NADK2: variants seen among roughly 807,000 people sequenced by gnomAD.
NADK2 encodes the protein NAD kinase domain-containing protein 1, mitochondrial.
Under a neutral mutation model 62.1 loss-of-function variants are expected in NADK2, and 35 were observed. The ratio of observed to expected loss-of-function variants is 0.56; its 90% CI spans 0.43 to 0.75. The LOEUF (loss-of-function observed/expected upper bound fraction) is 0.75, where lower values mean the gene tolerates loss of function less well. NADK2 is among the 30% of genes least tolerant of loss of function. NADK2 has a pLI of 0.00. For synonymous variants in NADK2, 205 were observed against 207.9 expected (o/e 0.99, Z 0.12); for missense variants, 439 against 561.3 (o/e 0.78, Z 2.20).
chr5:36,195,640 C>T (rs1342823872), intron 11 of NADK2, among the ~76,000 whole-genome samples: 3 of 152,088 alleles, frequency 2.0e-5, no homozygotes, highest in Non-Finnish European at 2.9e-5. Context: ...TTAAGTATAA[C>T]ACATATACAG....
At chr5:36,215,960 T>C (rs1427601736) in intron 6 of NADK2, among the ~76,000 whole-genome samples, 1 of 152,214 alleles carries the variant, frequency 6.6e-6, no homozygotes, top group Non-Finnish European at 1.5e-5. Flanking sequence ...TAGCCAGTAG[T>C]GGGATTGCTA....
At chr5:36,235,504 C>T (rs1211371113) in intron 1 of NADK2, among the ~76,000 whole-genome samples, 1 of 152,076 alleles carries the variant, frequency 6.6e-6, no homozygotes, top group Non-Finnish European at 1.5e-5. Context: ...GAGACTGATT[C>T]AGAGAGGTTA....
intron 1 of NADK2, among the ~76,000 whole-genome samples, chr5:36,233,856 A>G (rs1747799244): frequency 6.6e-6 from 1 of 152,174 alleles, no homozygotes; most frequent in South Asian, 2.1e-4. Context: ...ACACATAAAA[A>G]TTCTTCTGTA....
intron 7 of NADK2, among the ~76,000 whole-genome samples, chr5:36,210,135 T>C (rs1332100249): frequency 6.6e-6 from 1 of 152,172 alleles, no homozygotes; most frequent in Non-Finnish European, 1.5e-5. Context: ...GCCACTCACA[T>C]GGTTCTAGTA....
At chr5:36,206,306 A>T (rs564789380) in intron 8 of NADK2, among the ~76,000 whole-genome samples, 9,199 of 45,424 alleles carry the variant, frequency 0.2, 1,009 homozygotes, top group African/African-American at 0.35. Context: ...AATTTTTTTT[A>T]AAGTTAAAAA....
chr5:36,219,513 A>C, intron 5 of NADK2, 83 bp downstream of exon 5: 1 of 1,271,824 alleles, frequency 7.9e-7, no homozygotes, highest in African/African-American at 1.5e-5. Context: ...GCCCTGCCTG[A>C]TTTGTTCTGT....
chr5:36,197,405 T>G, intron 11 of NADK2, 136 bp downstream of exon 11: 1 of 1,122,708 alleles, frequency 8.9e-7, no homozygotes, highest in Non-Finnish European at 1.3e-6. Flanking sequence ...CCTTGTTACT[T>G]TCACAGGTTC....
At chr5:36,225,328 C>T (rs1747441283) in intron 4 of NADK2, among the ~76,000 whole-genome samples, 1 of 152,168 alleles carries the variant, frequency 6.6e-6, no homozygotes. Context: ...AATGATGCTT[C>T]CACTTAGACA....
At chr5:36,198,071 T>C (rs10461963) in intron 10 of NADK2, among the ~76,000 whole-genome samples, 3 of 148,664 alleles carry the variant, frequency 2.0e-5, no homozygotes, top group African/African-American at 7.3e-5. Context: ...ACGATGATAA[T>C]AAGCAAACAG....
Position 36,197,683 on chromosome 5 carries a change from T to A in NADK2, c.1067-19A>T. On this transcript the variant is annotated intron_variant, in intron 10 of 11. Coordinates refer to ENST00000381937, the MANE Select transcript of NADK2 (RefSeq NM_001085411.3). Reference sequence around the variant, plus strand: ...TTTGTTACTACAAAGAAAAAAAAATTAGCACACTCAATAAAAGATGGTCAC... The same window carrying A: ...TTTGTTACTACAAAGAAAAAAAAATAAGCACACTCAATAAAAGATGGTCAC... The A allele has an allele frequency of 6.6e-7, 1 of 1,522,530 alleles. No individual in the cohort carries two copies. Among genetic ancestry groups the A allele is most frequent in the Non-Finnish European group, 8.8e-7 (1 of 1,140,468 alleles). The allele number at this position is 1,522,530 out of a possible 1,614,324, so 94.3% of individuals were successfully genotyped here.
At chr5:36,211,044 C>T (rs1243808931) in intron 7 of NADK2, among the ~76,000 whole-genome samples, 4 of 152,132 alleles carry the variant, frequency 2.6e-5, no homozygotes. Context: ...AGCGCAGTGA[C>T]TCACACCTGT....
Position 36,241,448 on chromosome 5 carries a change from C to A in NADK2, c.300+51G>T. ...TCCCCCCGAGGGGGCGCAGCCGCCA[C>A]CAGAGCCCCGGCCGAGCCCGGGAGC... is the stretch of plus-strand genomic sequence containing the variant. On this transcript the variant is annotated intron_variant, in intron 1 of 11. Coordinates refer to ENST00000381937, the MANE Select transcript of NADK2 (RefSeq NM_001085411.3). This position sits in a 1 kb window ranked among gnomAD's most constrained non-coding sequence, Gnocchi z 4.9. 6.7e-7 allele frequency: 1 copy of A among 1,488,064 alleles called. No individual in the cohort carries two copies. The highest frequency in any genetic ancestry group is 2.8e-5 in the East Asian group (1 of 35,598). 92.2% of individuals were successfully genotyped at this position (1,488,064 alleles called of 1,614,324 possible). A position where few individuals can be genotyped will look rare whatever the true frequency, so the allele number is the denominator to read the frequency against.
In NADK2 at chr5:36,241,819, C is replaced by CAGGCTT. The variant is rs1554012128; in HGVS notation, c.-22_-21insAAGCCT. The CAGGCTT allele has an allele frequency of 2.3e-6, 3 of 1,299,336 alleles. No homozygotes were observed. Among genetic ancestry groups the CAGGCTT allele is most frequent in the Admixed American group, 3.9e-5 (1 of 25,430 alleles). The allele number at this position is 1,299,336 out of a possible 1,614,324, so 80.5% of individuals were successfully genotyped here. ...GTCATCGTGGGCCGGGCCGCGGCCGCGGGCTTGGGCTCGGGCCCCTTGCCT... is the reference window on the plus strand; with the variant it reads ...GTCATCGTGGGCCGGGCCGCGGCCGCAGGCTTGGGCTTGGGCTCGGGCCCCTTGCCT... On this transcript the variant is annotated 5_prime_UTR_variant, in exon 1 of 12. Transcript: ENST00000381937. This position sits in a 1 kb window ranked among gnomAD's most constrained non-coding sequence, Gnocchi z 4.9.
At chr5:36,222,278 T>C (rs1366032275) in intron 4 of NADK2, among the ~76,000 whole-genome samples, 1 of 152,094 alleles carries the variant, frequency 6.6e-6, no homozygotes. Flanking sequence ...GACATAGGCC[T>C]TCTGGAGAAC....
At chr5:36,218,125 C>T (rs1747118956) in intron 5 of NADK2, 1 of 361,742 alleles carries the variant, frequency 2.8e-6, no homozygotes, top group Non-Finnish European at 5.1e-6. Flanking sequence ...TCCCAAGTAA[C>T]TTAAATTAAG....
intron 6 of NADK2, among the ~76,000 whole-genome samples, chr5:36,214,270 C>A (rs1019092868): frequency 7.2e-5 from 11 of 152,164 alleles, no homozygotes; most frequent in African/African-American, 2.7e-4. Context: ...CAACCTCCAC[C>A]TCCCAGGTTC....
intron 4 of NADK2, among the ~76,000 whole-genome samples, chr5:36,222,455 T>C (rs10045424): frequency 0.055 from 8,336 of 152,258 alleles, 500 homozygotes; most frequent in South Asian, 0.22. Flanking sequence ...AGGCTGATCC[T>C]AGAAAAGTTT....
Position 36,205,461 on chromosome 5 carries a change from C to T in NADK2, c.956+1709G>A, listed in dbSNP as rs1212446404. Among the ~76,000 whole-genome samples the T allele has an allele frequency of 1.3e-5, 2 of 151,926 alleles. No individual in the cohort carries two copies. The highest frequency in any genetic ancestry group is 1.3e-4 in the Admixed American group (2 of 15,226). On this transcript the variant is annotated intron_variant, in intron 8 of 11. Transcript: ENST00000381937. The surrounding 1 kb of genome is among the most constrained non-coding windows in gnomAD (Gnocchi z 4.1). ...GTGCTGAGAATTGCAAGTAGCTGTG[C>T]CAATTCTAGTGTGCCATAGGTGGGG...
intron 1 of NADK2, among the ~76,000 whole-genome samples, chr5:36,236,127 T>C (rs886067339): frequency 1.3e-5 from 2 of 152,118 alleles, no homozygotes; most frequent in East Asian, 1.9e-4. Context: ...AAAATTTTGT[T>C]ATTTGCAATC....
Sources: gnomAD v4.1 joint callset for allele counts (sites outside exome capture counted in the v4.1 genomes callset) on GRCh38, gnomAD v4.1.1 for gene constraint, Gnocchi (gnomAD v3.1) non-coding constraint, MANE v1.5 for transcripts, NCBI Gene and HGNC (gene_info 2026-07-23, HGNC 2026-07-21) for gene names.